PDE11A: variants seen among roughly 807,000 people sequenced by gnomAD.
PDE11A encodes phosphodiesterase 11A, also known as dual 3',5'-cyclic-AMP and -GMP phosphodiesterase 11A.
PDE11A carries 100 observed loss-of-function variants against 100.5 expected under a neutral mutation model. The observed-to-expected ratio is 1.00, with a 90% CI of 0.85 to 1.18. The LOEUF is 1.18. Ranked by LOEUF, PDE11A falls within the 50% of genes most tolerant of loss-of-function variation. The probability of loss-of-function intolerance (pLI) is 0.00; values close to 1 mark genes in which losing one functional copy is unlikely to be tolerated. For synonymous variants in PDE11A, 381 were observed against 420.8 expected (o/e 0.91, Z 1.16); for missense variants, 1,141 against 1,152.6 (o/e 0.99, Z 0.15).
intron 15 of PDE11A, among the ~76,000 whole-genome samples, chr2:177,694,034 T>C (rs963332307): frequency 1.3e-5 from 2 of 152,224 alleles, no homozygotes; most frequent in Admixed American, 1.3e-4. Context: ...TCTGAAAGTC[T>C]AGATTAGAGA....
At chr2:177,953,294 A>C (rs992937347) in intron 2 of PDE11A, 20 of 152,202 alleles carry the variant, frequency 1.3e-4, no homozygotes, top group African/African-American at 4.6e-4. Flanking sequence ...ACAATTAAAA[A>C]AGCCAATGTA....
At chr2:177,739,333 T>C (rs562780013) in intron 10 of PDE11A, among the ~76,000 whole-genome samples, 1 of 152,286 alleles carries the variant, frequency 6.6e-6, no homozygotes, top group Non-Finnish European at 1.5e-5. Context: ...ATGGCAATAG[T>C]AGGCTACCTT....
rs115915859 is a variant in PDE11A, at chr2:177,771,192, C to G, written c.1738-1819G>C. Among the ~76,000 whole-genome samples, 316 of 152,316 alleles carry G rather than the reference C, an allele frequency of 2.1e-3. 1 individual carries two copies. The highest frequency in any genetic ancestry group is 0.01 in the Middle Eastern group (3 of 294). On this transcript the variant is annotated intron_variant, in intron 9 of 19. Coordinates refer to ENST00000286063, the MANE Select transcript of PDE11A (RefSeq NM_016953.4). ...TGGGAAATGCTAACTCCTTCTTCAC[C>G]TACAAACCTTAGAGAATCACAGTGC... is the stretch of plus-strand genomic sequence containing the variant.
chr2:177,771,917 G>A (rs917350581), intron 9 of PDE11A, among the ~76,000 whole-genome samples: 10 of 151,962 alleles, frequency 6.6e-5, no homozygotes, highest in Non-Finnish European at 1.3e-4. Flanking sequence ...CGGGAGAATC[G>A]CTTGAACCCG....
At chr2:177,727,582 A>G (rs1243995808) in intron 12 of PDE11A, 76 bp downstream of exon 12, 39 of 887,610 alleles carry the variant, frequency 4.4e-5, no homozygotes, top group Admixed American at 3.6e-4. Context: ...TTTCAGAGAA[A>G]TGGAAATGTA....
chr2:178,056,731 G>A lies in PDE11A; in HGVS notation c.912+14795C>T, dbSNP rs181324981. 2.7e-3 allele frequency among the ~76,000 whole-genome samples: 415 copies of A among 152,186 alleles called. 6 individuals carry two copies. The highest frequency in any genetic ancestry group is 9.8e-3 in the African/African-American group (405 of 41,530). The stretch of plus-strand genomic sequence containing the variant: ...AAAAAAATAATTGTTTTATGAAAGA[G>A]GCCAATGAGATTTAAAAATATGATT... On this transcript the variant is annotated intron_variant, in intron 1 of 19. Coordinates refer to ENST00000286063, the MANE Select transcript of PDE11A (RefSeq NM_016953.4).
intron 2 of PDE11A, among the ~76,000 whole-genome samples, chr2:177,939,042 C>G (rs569457021): frequency 1.3e-5 from 2 of 152,158 alleles, no homozygotes; most frequent in Admixed American, 6.5e-5. Context: ...CCTCTAGAAC[C>G]GTGAGGAAAT....
At chr2:177,766,911 T>C (rs1178515138) in intron 10 of PDE11A, among the ~76,000 whole-genome samples, 1 of 152,230 alleles carries the variant, frequency 6.6e-6, no homozygotes, top group East Asian at 1.9e-4. Context: ...AAATAACCCT[T>C]TGTTCTCAAA....
At chr2:177,911,550 G>C (rs2105743273) in intron 2 of PDE11A, among the ~76,000 whole-genome samples, 1 of 152,234 alleles carries the variant, frequency 6.6e-6, no homozygotes, top group African/African-American at 2.4e-5. Flanking sequence ...AAAGAAAACA[G>C]TCTCCAAAAG....
intron 1 of PDE11A, among the ~76,000 whole-genome samples, chr2:178,035,696 T>C (rs12613207): frequency 0.1 from 15,242 of 152,180 alleles, 796 homozygotes; most frequent in Middle Eastern, 0.15. Context: ...AGTTGGCTTC[T>C]TTTGTGGGAT....
intron 1 of PDE11A, among the ~76,000 whole-genome samples, chr2:178,036,880 A>T (rs934823837): frequency 3.9e-5 from 6 of 152,244 alleles, no homozygotes; most frequent in African/African-American, 1.4e-4. Flanking sequence ...CTCAAGATGG[A>T]TTAAAGACTT....
At chr2:178,028,136 A>T (rs2086500233) in intron 1 of PDE11A, among the ~76,000 whole-genome samples, 1 of 151,866 alleles carries the variant, frequency 6.6e-6, no homozygotes, top group South Asian at 2.1e-4. Flanking sequence ...TTCCATACAC[A>T]TTCCCTTCCC....
At chr2:177,776,504 A>C (rs1428466476) in intron 9 of PDE11A, among the ~76,000 whole-genome samples, 1 of 152,208 alleles carries the variant, frequency 6.6e-6, no homozygotes, top group Non-Finnish European at 1.5e-5. Flanking sequence ...AAATATTTTC[A>C]GCAATGCTAC....
At chr2:177,884,123 A>C (rs1283199072) in intron 4 of PDE11A, among the ~76,000 whole-genome samples, 1 of 152,200 alleles carries the variant, frequency 6.6e-6, no homozygotes, top group Non-Finnish European at 1.5e-5. Flanking sequence ...TGGGGAGTGG[A>C]GAGGTTCCAG....
At chr2:178,075,995 T>C (rs187933432), upstream of PDE11A, among the ~76,000 whole-genome samples, 34 of 152,314 alleles carry the variant, frequency 2.2e-4, no homozygotes, top group Admixed American at 1.8e-3. Flanking sequence ...AAACTATCTA[T>C]AATACACTCC....
chr2:177,842,969 A>G (rs1184229398), intron 5 of PDE11A, among the ~76,000 whole-genome samples: 1 of 152,188 alleles, frequency 6.6e-6, no homozygotes, highest in Non-Finnish European at 1.5e-5. Context: ...AATGCATGAG[A>G]TCACTCAGGG....
chr2:177,861,703 T>C (rs1396236871), intron 5 of PDE11A, among the ~76,000 whole-genome samples: 1 of 151,908 alleles, frequency 6.6e-6, no homozygotes, highest in Non-Finnish European at 1.5e-5. Flanking sequence ...ACCAAGACAA[T>C]GTGATACTGG....
chr2:177,663,500 C>CAA (rs3056854), intron 19 of PDE11A, among the ~76,000 whole-genome samples: 1 of 151,818 alleles, frequency 6.6e-6, no homozygotes. Flanking sequence ...CAAGTTTAAA[C>CAA]GTTTCTTGGG....
chr2:177,866,410 T>C (rs2695724), intron 5 of PDE11A, among the ~76,000 whole-genome samples: 84,192 of 152,116 alleles, frequency 0.55, 25,077 homozygotes, highest in East Asian at 0.74. Context: ...AAAGACTCTT[T>C]ATATTCACTC....
Sources: gnomAD v4.1 joint callset for allele counts (sites outside exome capture counted in the v4.1 genomes callset) on GRCh38, gnomAD v4.1.1 for gene constraint, MANE v1.5 for transcripts, NCBI Gene and HGNC (gene_info 2026-07-23, HGNC 2026-07-21) for gene names.